ANKRD44: variants seen among roughly 807,000 people sequenced by gnomAD.
The protein encoded by ANKRD44 is ankyrin repeat domain 44, also known as serine/threonine-protein phosphatase 6 regulatory ankyrin repeat subunit B.
A neutral mutation model predicts 116.0 loss-of-function variants in ANKRD44; 35 were observed. The observed-to-expected ratio is 0.30, with a 90% CI of 0.23 to 0.40. ANKRD44 has a LOEUF of 0.40. Ranked by LOEUF, ANKRD44 falls within the 10% of genes least tolerant of loss-of-function variation. ANKRD44 has a pLI of 1.00. For synonymous variants in ANKRD44, 435 were observed against 461.8 expected (o/e 0.94, Z 0.74); for missense variants, 1,014 against 1,242.6 (o/e 0.82, Z 2.77).
At position 197,008,945 on chromosome 2, in the gene ANKRD44, G is replaced by GA; in HGVS notation, c.2010_2011insT (p.Gln671SerfsTer14). On this transcript the variant is annotated frameshift_variant and splice_region_variant, in exon 19 of 28. Transcript: ENST00000282272. LOFTEE classifies it high-confidence loss of function. ...AAGGCCACGTGTGAGCGCACTTACTGTCCTTTGGCATCTTTCACATCGACC... is the reference window on the plus strand; with the variant it reads ...AAGGCCACGTGTGAGCGCACTTACTGATCCTTTGGCATCTTTCACATCGACC... 2 of 1,613,978 alleles carry GA rather than the reference G, an allele frequency of 1.2e-6. No homozygotes were observed. The highest frequency in any genetic ancestry group is 1.7e-6 in the Non-Finnish European group (2 of 1,179,910).
chr2:197,129,325 A>G (rs956818723), intron 4 of ANKRD44, among the ~76,000 whole-genome samples: 3 of 152,008 alleles, frequency 2.0e-5, no homozygotes, highest in African/African-American at 7.2e-5. Context: ...TAGTAGAGAC[A>G]AGGTTTCACC....
At chr2:196,967,317 C>A (rs538324318) in exon 22 of ANKRD44, 49 of 381,164 alleles carry the variant, frequency 1.3e-4, no homozygotes, top group African/African-American at 1.0e-3. Context: ...CTTCCCCAAC[C>A]GCAGCTCCTG....
At position 196,989,412 on chromosome 2, in the gene ANKRD44, C is replaced by A. The variant is rs1210376346; in HGVS notation, c.*179G>T. On this transcript the variant is annotated 3_prime_UTR_variant, in exon 28 of 28. Coordinates refer to ENST00000282272, the MANE Select transcript of ANKRD44 (RefSeq NM_001195144.2). The stretch of plus-strand genomic sequence containing the variant: ...GATTACATTTAACTCCATAAAAAAG[C>A]TACTTCAGTTCTCACTTGCATTTTG... 3 of 1,205,384 alleles carry A rather than the reference C, an allele frequency of 2.5e-6. 1 individual carries two copies. Among genetic ancestry groups the A allele is most frequent in the Non-Finnish European group, 3.1e-6 (3 of 967,528 alleles). 74.7% of individuals were successfully genotyped at this position (1,205,384 alleles called of 1,614,324 possible).
At chr2:197,037,327 T>C (rs1398683065) in intron 16 of ANKRD44, among the ~76,000 whole-genome samples, 2 of 152,218 alleles carry the variant, frequency 1.3e-5, no homozygotes, top group African/African-American at 4.8e-5. Flanking sequence ...CCAATAATAA[T>C]GTAAGGGGTT....
At chr2:197,294,358 T>G (rs1003211698) in intron 1 of ANKRD44, among the ~76,000 whole-genome samples, 5 of 152,100 alleles carry the variant, frequency 3.3e-5, no homozygotes, top group African/African-American at 1.2e-4. Context: ...AACCTTTATA[T>G]GAAAGATGAC....
chr2:197,200,378 G>A (rs1308637512), intron 1 of ANKRD44, among the ~76,000 whole-genome samples: 1 of 152,168 alleles, frequency 6.6e-6, no homozygotes, highest in Non-Finnish European at 1.5e-5. Flanking sequence ...ATTTTGGAAT[G>A]ACAAATGAGG....
chr2:197,282,727 GA>G (rs1356997488), intron 1 of ANKRD44, among the ~76,000 whole-genome samples: 1 of 152,198 alleles, frequency 6.6e-6, no homozygotes, highest in African/African-American at 2.4e-5. Flanking sequence ...GGGAGGCCAA[GA>G]CGAGCAGATC....
At chr2:197,270,184 G>C (rs572115753) in intron 1 of ANKRD44, among the ~76,000 whole-genome samples, 2 of 152,246 alleles carry the variant, frequency 1.3e-5, no homozygotes, top group African/African-American at 4.8e-5. Flanking sequence ...TGTGTGGCTG[G>C]AGCAGGGATT....
At chr2:197,082,451 A>AT (rs1012810629) in intron 14 of ANKRD44, among the ~76,000 whole-genome samples, 7 of 152,230 alleles carry the variant, frequency 4.6e-5, no homozygotes, top group African/African-American at 1.7e-4. Context: ...AGTCAGCAAG[A>AT]TTTTTTATCT....
intron 19 of ANKRD44, 69 bp from the exon 20 acceptor site, chr2:197,007,992 A>C (rs866920846): frequency 2.1e-6 from 2 of 958,624 alleles, no homozygotes; most frequent in African/African-American, 6.3e-5. Flanking sequence ...ACCAGTAGGA[A>C]GACATTCTCT....
At chr2:197,270,889 C>T (rs2082879403) in intron 1 of ANKRD44, among the ~76,000 whole-genome samples, 1 of 152,200 alleles carries the variant, frequency 6.6e-6, no homozygotes, top group South Asian at 2.1e-4. Flanking sequence ...ACCAGCCTTT[C>T]TGTGGATCTT....
intron 1 of ANKRD44, among the ~76,000 whole-genome samples, chr2:197,269,534 T>C (rs190371093): frequency 2.6e-5 from 4 of 152,058 alleles, no homozygotes; most frequent in African/African-American, 9.6e-5. Context: ...AAGGCTGCAA[T>C]TGAGAAAGGA....
chr2:197,091,501 C>G (rs147195657), intron 10 of ANKRD44, among the ~76,000 whole-genome samples: 1 of 152,154 alleles, frequency 6.6e-6, no homozygotes, highest in African/African-American at 2.4e-5. Flanking sequence ...CCACCACAGG[C>G]GCACATCACT....
rs150791092 is a variant in ANKRD44, at chr2:197,215,307, A to G, written c.28-28201T>C. Among the ~76,000 whole-genome samples the G allele has an allele frequency of 5.4e-3, 825 of 152,356 alleles. 7 individuals are homozygous for G. Among genetic ancestry groups the G allele is most frequent in the African/African-American group, 0.019 (776 of 41,586 alleles). ...TAATTCATACTGTTTACTGAACAAC[A>G]TTAGCCCAATTTTTCAACTGAAGAT... is the stretch of plus-strand genomic sequence containing the variant. On this transcript the variant is annotated intron_variant, in intron 1 of 27. Coordinates refer to ENST00000282272, the MANE Select transcript of ANKRD44 (RefSeq NM_001195144.2).
intron 1 of ANKRD44, among the ~76,000 whole-genome samples, chr2:197,246,188 ATTTT>A (rs924099685): frequency 3.6e-4 from 55 of 151,644 alleles, no homozygotes; most frequent in African/African-American, 1.3e-3. Context: ...ATTTTTATTT[ATTTT>A]ATTTATTTAT....
At chr2:197,085,610 A>C (rs978320966) in intron 13 of ANKRD44, among the ~76,000 whole-genome samples, 3 of 152,180 alleles carry the variant, frequency 2.0e-5, no homozygotes, top group Non-Finnish European at 4.4e-5. Flanking sequence ...CACTCCCACC[A>C]GCCCCATGAC....
At chr2:197,189,856 G>C (rs1001949926) in intron 1 of ANKRD44, among the ~76,000 whole-genome samples, 1 of 152,202 alleles carries the variant, frequency 6.6e-6, no homozygotes, top group African/African-American at 2.4e-5. Flanking sequence ...ATAATGAGGT[G>C]AGCAGAGTCT....
At chr2:197,254,772 A>G (rs1574372156) in intron 1 of ANKRD44, among the ~76,000 whole-genome samples, 1 of 152,198 alleles carries the variant, frequency 6.6e-6, no homozygotes, top group South Asian at 2.1e-4. Context: ...ACACATATAT[A>G]TATATTTGCT....
chr2:197,071,275 G>C (rs1238039274), intron 16 of ANKRD44, among the ~76,000 whole-genome samples: 1 of 152,084 alleles, frequency 6.6e-6, no homozygotes, highest in African/African-American at 2.4e-5. Context: ...AGATTCTTGA[G>C]GTAGAAGCTT....
Sources: allele counts gnomAD v4.1 joint callset (sites outside exome capture counted in the v4.1 genomes callset), GRCh38; gene constraint gnomAD v4.1.1; transcripts MANE v1.5; gene names NCBI Gene and HGNC (gene_info 2026-07-23, HGNC 2026-07-21).